UBR3: variants seen among roughly 807,000 people sequenced by gnomAD.
UBR3 encodes E3 ubiquitin-protein ligase UBR3.
UBR3 carries 85 observed loss-of-function variants against 243.2 expected under a neutral mutation model. That is an observed-to-expected ratio of 0.35 (90% CI 0.29 to 0.42). The LOEUF (loss-of-function observed/expected upper bound fraction) is 0.42. Among genes scored for constraint, UBR3 ranks in the 10% least tolerant of loss-of-function variants. The pLI, the probability that UBR3 is intolerant of heterozygous loss-of-function variation, is 1.00. For missense variants in UBR3, 1,686 were observed against 2,300.8 expected (o/e 0.73, Z 5.47); for synonymous variants, 748 against 799.8 (o/e 0.94, Z 1.09).
At chr2:169,884,227 C>T (rs1353457088) in intron 5 of UBR3, among the ~76,000 whole-genome samples, 2 of 149,830 alleles carry the variant, frequency 1.3e-5, no homozygotes, top group Non-Finnish European at 2.9e-5. Flanking sequence ...GTGATCTTGG[C>T]TCACTGCAAG....
chr2:169,878,266 C>A (rs58278371), intron 4 of UBR3, among the ~76,000 whole-genome samples: 6,748 of 151,278 alleles, frequency 0.045, 223 homozygotes, highest in East Asian at 0.12. Context: ...GAAGCTGAGG[C>A]AGGAGAATTG....
intron 31 of UBR3, among the ~76,000 whole-genome samples, chr2:170,031,373 T>C (rs1041074659): frequency 3.9e-5 from 6 of 152,152 alleles, no homozygotes; most frequent in Admixed American, 6.5e-5. Flanking sequence ...CAAAGTTTTT[T>C]TAATATAGTC....
At chr2:170,081,089 G>C (rs774437677) in intron 38 of UBR3, among the ~76,000 whole-genome samples, 2 of 152,206 alleles carry the variant, frequency 1.3e-5, no homozygotes, top group Non-Finnish European at 2.9e-5. Context: ...AGCAACTCGG[G>C]AGGAGGTGGA....
intron 32 of UBR3, among the ~76,000 whole-genome samples, chr2:170,049,981 A>C (rs554562925): frequency 6.6e-6 from 1 of 152,306 alleles, no homozygotes; most frequent in South Asian, 2.1e-4. Flanking sequence ...TTTAACACTT[A>C]TATTGTGATC....
chr2:170,077,696 C>T, intron 36 of UBR3: 1 of 330,610 alleles, frequency 3.0e-6, no homozygotes, highest in Non-Finnish European at 5.5e-6. Flanking sequence ...AGTGATTTTC[C>T]TGCCTCAGCC....
At position 169,994,343 on chromosome 2, in the gene UBR3, A is replaced by G. The variant is rs1289008726; in HGVS notation, c.3805A>G (p.Asn1269Asp). The G allele has an allele frequency of 4.3e-6, 7 of 1,614,026 alleles. No homozygotes were observed. In the South Asian group the frequency reaches 7.7e-5, roughly 18 times the overall value. ...TGTAGTTTTGGGGCAGTGCCGTGAC[A>G]ATGTTGAGCCAAAAAAGTTGCCGAT... ...ASSVLGQCRDNVEPKKLPISE... is the reference protein window; with the variant it reads ...ASSVLGQCRDDVEPKKLPISE... The change falls in exon 26 of 39, where the codon AAT (asparagine) becomes GAT (aspartate). Residue 1269 changes from asparagine to aspartate, a missense_variant. This residue lies in a region of UBR3 where 156 missense variants were observed against 246.3 expected (regional missense o/e 0.63). Coordinates refer to ENST00000272793, the MANE Select transcript of UBR3 (RefSeq NM_172070.4).
At chr2:170,072,369 C>A (rs1180249765) in intron 35 of UBR3, among the ~76,000 whole-genome samples, 1 of 148,796 alleles carries the variant, frequency 6.7e-6, no homozygotes, top group African/African-American at 2.5e-5. Flanking sequence ...GGGAATTGAA[C>A]AATGAGAACA....
At chr2:169,881,983 A>AT (rs2083880653) in intron 5 of UBR3, among the ~76,000 whole-genome samples, 1 of 114,398 alleles carries the variant, frequency 8.7e-6, no homozygotes, top group Non-Finnish European at 1.8e-5. Context: ...TATATTATAT[A>AT]TGTATATGTA....
intron 8 of UBR3, among the ~76,000 whole-genome samples, chr2:169,898,552 G>A (rs983122044): frequency 5.9e-5 from 9 of 152,150 alleles, no homozygotes; most frequent in Middle Eastern, 3.4e-3. Flanking sequence ...TGGTAAGGCC[G>A]GGTTGTCTAA....
chr2:169,915,826 C>G (rs2085441386), intron 11 of UBR3, among the ~76,000 whole-genome samples: 1 of 152,004 alleles, frequency 6.6e-6, no homozygotes, highest in Admixed American at 6.6e-5. Flanking sequence ...TCTAGAGATT[C>G]ATAGTTTCTA....
chr2:169,921,571 A>G (rs1402163296), intron 11 of UBR3, among the ~76,000 whole-genome samples: 1 of 152,200 alleles, frequency 6.6e-6, no homozygotes, highest in Non-Finnish European at 1.5e-5. Context: ...TGTACTGGGT[A>G]CTGTGCTGTT....
intron 36 of UBR3, among the ~76,000 whole-genome samples, chr2:170,076,858 ATGGTAGGGGTGG>A (rs1559240692): frequency 6.6e-6 from 1 of 152,120 alleles, no homozygotes; most frequent in African/African-American, 2.4e-5. Flanking sequence ...AGCTTGGTCT[ATGGTAGGGGTGG>A]TGGTAGGGGT....
At chr2:169,865,087 A>G (rs1473948577) in intron 1 of UBR3, among the ~76,000 whole-genome samples, 2 of 151,684 alleles carry the variant, frequency 1.3e-5, no homozygotes, top group Non-Finnish European at 2.9e-5. Context: ...CTCCGTCTCG[A>G]AAAAAAAATT....
At chr2:169,980,895 G>T (rs1030093145) in intron 24 of UBR3, among the ~76,000 whole-genome samples, 1 of 151,164 alleles carries the variant, frequency 6.6e-6, no homozygotes, top group South Asian at 2.1e-4. Context: ...GGTGGATCTG[G>T]TGTATCTCAT....
At chr2:170,080,833 A>G (rs2091893010) in intron 38 of UBR3, 149 bp downstream of exon 38, 1 of 896,658 alleles carries the variant, frequency 1.1e-6, no homozygotes, top group South Asian at 2.1e-5. Flanking sequence ...TTTTTGAGCT[A>G]TTGTCCCTAT....
rs549853179 is a variant in UBR3, at chr2:169,832,559, T to C, written c.545+4507T>C. ...TCCAGCCTGGGCGACAGAGCGTGAC[T>C]CTGTCTCAGGAAAAAAAACAAAAAA... On this transcript the variant is annotated intron_variant, in intron 1 of 38. Coordinates refer to ENST00000272793, the MANE Select transcript of UBR3 (RefSeq NM_172070.4). Among the ~76,000 whole-genome samples, 7 of 147,556 alleles carry C rather than the reference T, an allele frequency of 4.7e-5. No individual in the cohort carries two copies. In the Admixed American group the frequency reaches 4.8e-4, roughly 10 times the overall value.
At chr2:169,839,745 G>A (rs1202410976) in intron 1 of UBR3, among the ~76,000 whole-genome samples, 1 of 152,202 alleles carries the variant, frequency 6.6e-6, no homozygotes, top group Non-Finnish European at 1.5e-5. Flanking sequence ...CAGGCAAGAA[G>A]AGAGGAGTGA....
intron 24 of UBR3, among the ~76,000 whole-genome samples, chr2:169,970,649 C>T (rs373083229): frequency 0.022 from 2,590 of 116,684 alleles, 46 homozygotes; most frequent in African/African-American, 0.055. Context: ...ACAAAGGACA[C>T]GAACTCATCA....
intron 24 of UBR3, among the ~76,000 whole-genome samples, chr2:169,974,568 A>G (rs961595285): frequency 3.3e-5 from 5 of 152,012 alleles, no homozygotes; most frequent in African/African-American, 4.8e-5. Flanking sequence ...CTTGGTTAGT[A>G]TAGCTAATGG....
Sources: allele counts gnomAD v4.1 joint callset (sites outside exome capture counted in the v4.1 genomes callset), GRCh38; gene constraint gnomAD v4.1.1; regional missense constraint gnomAD v4.1.1; transcripts MANE v1.5; gene names NCBI Gene and HGNC (gene_info 2026-07-23, HGNC 2026-07-21).